Variants in PRKG1 observed in about 807,000 individuals in gnomAD.
The protein encoded by PRKG1 is cGMP-dependent protein kinase 1.
In PRKG1, 35 loss-of-function variants were observed where a neutral mutation model predicts 88.1. That is an observed-to-expected ratio of 0.40 (90% CI 0.30 to 0.53). The LOEUF is 0.53. PRKG1 is among the 20% of genes least tolerant of loss of function. PRKG1 has a pLI of 0.59. For missense variants in PRKG1, 540 were observed against 839.8 expected, an observed-to-expected ratio of 0.64 and a Z score of 4.41; for synonymous variants, 303 against 292.5, an observed-to-expected ratio of 1.04 and a Z score of -0.37.
At chr10:51,186,317 T>C (rs898604929) in intron 2 of PRKG1, among the ~76,000 whole-genome samples, 2 of 152,042 alleles carry the variant, frequency 1.3e-5, no homozygotes, top group African/African-American at 4.8e-5. Flanking sequence ...TGGTGTTTTT[T>C]CCAACACATT....
chr10:51,121,276 A>G (rs1845254655), intron 1 of PRKG1, among the ~76,000 whole-genome samples: 1 of 152,172 alleles, frequency 6.6e-6, no homozygotes, highest in Non-Finnish European at 1.5e-5. Context: ...CCGAAAGTGG[A>G]CATCTTTGAG....
intron 5 of PRKG1, among the ~76,000 whole-genome samples, chr10:51,932,401 G>A (rs1348003575): frequency 1.3e-5 from 2 of 151,974 alleles, no homozygotes; most frequent in Non-Finnish European, 2.9e-5. Flanking sequence ...AGTCATGAGG[G>A]CTTTATTTAG....
At chr10:51,770,268 C>A (rs573379697) in intron 3 of PRKG1, among the ~76,000 whole-genome samples, 1 of 152,134 alleles carries the variant, frequency 6.6e-6, no homozygotes, top group African/African-American at 2.4e-5. Flanking sequence ...ACTATCTGAA[C>A]AGTAAAAGAG....
At chr10:52,151,999 C>T (rs1174222607) in intron 8 of PRKG1, among the ~76,000 whole-genome samples, 2 of 152,016 alleles carry the variant, frequency 1.3e-5, no homozygotes, top group African/African-American at 4.8e-5. Flanking sequence ...ATCACTTTAC[C>T]CGTATTTATA....
intron 9 of PRKG1, among the ~76,000 whole-genome samples, chr10:52,209,874 C>T (rs1290509975): frequency 6.6e-6 from 1 of 152,120 alleles, no homozygotes; most frequent in Non-Finnish European, 1.5e-5. Context: ...GTTGACCTCC[C>T]CTCCCTGTGA....
chr10:51,383,928 T>A (rs756385081), intron 2 of PRKG1, among the ~76,000 whole-genome samples: 1 of 152,208 alleles, frequency 6.6e-6, no homozygotes, highest in African/African-American at 2.4e-5. Context: ...TTCTGCTGTC[T>A]TATTGTAATC....
chr10:51,126,214 T>TTTATATATTTATATATTTATAA (rs1845406171), intron 1 of PRKG1, among the ~76,000 whole-genome samples: 1 of 122,480 alleles, frequency 8.2e-6, no homozygotes. Flanking sequence ...TTTATAATTA[T>TTTATATATTTATATATTTATAA]TTATATATTT....
intron 5 of PRKG1, among the ~76,000 whole-genome samples, chr10:51,972,276 A>G (rs1255712613): frequency 6.6e-6 from 1 of 152,144 alleles, no homozygotes; most frequent in East Asian, 1.9e-4. Flanking sequence ...AGATAGTTTA[A>G]AAGTATTCTG....
intron 3 of PRKG1, among the ~76,000 whole-genome samples, chr10:51,575,759 A>G (rs941935758): frequency 1.3e-5 from 2 of 151,890 alleles, no homozygotes; most frequent in African/African-American, 4.8e-5. Flanking sequence ...AAGGACCTGC[A>G]CAACTTTGAG....
chr10:52,046,446 A>C (rs1845865882), intron 5 of PRKG1, among the ~76,000 whole-genome samples: 1 of 152,114 alleles, frequency 6.6e-6, no homozygotes, highest in South Asian at 2.1e-4. Flanking sequence ...TTATTTGTAT[A>C]CTGTTCTATC....
intron 14 of PRKG1, among the ~76,000 whole-genome samples, chr10:52,283,617 G>T (rs1483182563): frequency 5.9e-5 from 9 of 152,140 alleles, no homozygotes; most frequent in African/African-American, 2.2e-4. Context: ...AATAAATTAT[G>T]TGTGACATAA....
chr10:51,229,375 C>G (rs1391443459), intron 2 of PRKG1, among the ~76,000 whole-genome samples: 2 of 152,134 alleles, frequency 1.3e-5, no homozygotes, highest in African/African-American at 4.8e-5. Flanking sequence ...AATAAATGTT[C>G]CGTTGTCCAT....
At chr10:51,706,500 G>A (rs28493907) in intron 3 of PRKG1, among the ~76,000 whole-genome samples, 10,567 of 152,024 alleles carry the variant, frequency 0.07, 387 homozygotes, top group East Asian at 0.085. Flanking sequence ...GGAAGGGATT[G>A]CGAAGTCCAG....
At chr10:51,763,769 C>A (rs10999335) in intron 3 of PRKG1, among the ~76,000 whole-genome samples, 64,522 of 151,908 alleles carry the variant, frequency 0.42, 14,376 homozygotes, top group Middle Eastern at 0.54. Flanking sequence ...TCTTACAGTT[C>A]TGGAGGTTGA....
At position 51,438,539 on chromosome 10, in the gene PRKG1, T is replaced by G. The variant is rs374403268; in HGVS notation, c.479-29184T>G. ...TTACAGAAGGTTCTTCAGTTAAAAT[T>G]TGTCTCCTTTTCTCATGATGAAACC... On this transcript the variant is annotated intron_variant, in intron 2 of 17. Transcript: ENST00000373980. 4.6e-5 allele frequency among the ~76,000 whole-genome samples: 7 copies of G among 151,998 alleles called. No individual in the cohort carries two copies. In the East Asian group the frequency reaches 9.7e-4, roughly 21 times the overall value.
intron 7 of PRKG1, among the ~76,000 whole-genome samples, chr10:52,070,594 A>T (rs909463635): frequency 6.6e-6 from 1 of 151,692 alleles, no homozygotes; most frequent in African/African-American, 2.4e-5. Context: ...CTTTTCTCTC[A>T]TTTTGTAACT....
At chr10:52,140,454 T>C (rs1837546203) in intron 8 of PRKG1, among the ~76,000 whole-genome samples, 1 of 152,022 alleles carries the variant, frequency 6.6e-6, no homozygotes, top group Non-Finnish European at 1.5e-5. Flanking sequence ...TGTAACTCTT[T>C]CGCATTGTAT....
intron 7 of PRKG1, among the ~76,000 whole-genome samples, chr10:52,070,170 C>T (rs772693024): frequency 1.4e-4 from 21 of 152,150 alleles, no homozygotes; most frequent in Non-Finnish European, 2.8e-4. Context: ...TTTATCAACT[C>T]GTTTACAAAT....
chr10:52,025,510 A>G (rs1230133789), intron 5 of PRKG1, among the ~76,000 whole-genome samples: 2 of 152,002 alleles, frequency 1.3e-5, no homozygotes, highest in African/African-American at 4.8e-5. Context: ...TGTATAAGGT[A>G]TAAGGAAGGG....
Sources: allele counts gnomAD v4.1 joint callset (sites outside exome capture counted in the v4.1 genomes callset), GRCh38; gene constraint gnomAD v4.1.1; transcripts MANE v1.5; gene names NCBI Gene and HGNC (gene_info 2026-07-23, HGNC 2026-07-21).